Variants in SPAG16 observed in about 807,000 individuals in gnomAD.
The protein encoded by SPAG16 is sperm-associated antigen 16 protein.
Under a neutral mutation model 80.4 loss-of-function variants are expected in SPAG16, and 86 were observed. The observed-to-expected ratio is 1.07, with a 90% CI of 0.90 to 1.28. The LOEUF (loss-of-function observed/expected upper bound fraction) is 1.28, where lower values mean the gene tolerates loss of function less well. Among genes scored for constraint, SPAG16 ranks in the 50% most tolerant of loss-of-function variants. The pLI, the probability that SPAG16 is intolerant of heterozygous loss-of-function variation, is 0.00. For synonymous variants in SPAG16, 294 were observed against 265.9 expected, an observed-to-expected ratio of 1.11 and a Z score of -1.03; for missense variants, 870 against 765.3, an observed-to-expected ratio of 1.14 and a Z score of -1.61.
At chr2:214,133,118 A>G (rs796802999) in intron 14 of SPAG16, among the ~76,000 whole-genome samples, 5 of 44,132 alleles carry the variant, frequency 1.1e-4, no homozygotes, top group African/African-American at 3.3e-4. Flanking sequence ...AAAAAAATAA[A>G]TAAATAATAA....
intron 10 of SPAG16, among the ~76,000 whole-genome samples, chr2:213,642,187 T>G (rs1381710688): frequency 4.6e-5 from 7 of 152,184 alleles, no homozygotes; most frequent in Non-Finnish European, 4.4e-5. Flanking sequence ...TTCAGCTGTT[T>G]CATGGAGGTT....
chr2:214,407,650 A>G (rs1433463042), intron 15 of SPAG16, among the ~76,000 whole-genome samples: 5 of 152,146 alleles, frequency 3.3e-5, no homozygotes, highest in African/African-American at 2.4e-5. Flanking sequence ...CACTTTCTCT[A>G]TAAATGCTCC....
chr2:213,978,940 C>T (rs1056972209), intron 12 of SPAG16, among the ~76,000 whole-genome samples: 2 of 151,820 alleles, frequency 1.3e-5, no homozygotes, highest in African/African-American at 4.8e-5. Flanking sequence ...GCTAGGGGAG[C>T]TGGCTTTCCT....
chr2:213,801,149 T>C (rs1363257024), intron 10 of SPAG16, among the ~76,000 whole-genome samples: 2 of 152,174 alleles, frequency 1.3e-5, no homozygotes, highest in Non-Finnish European at 2.9e-5. Context: ...ACCTGGAAAA[T>C]AGTTATTGTC....
At chr2:213,963,482 G>A (rs889155722) in intron 12 of SPAG16, among the ~76,000 whole-genome samples, 4 of 152,062 alleles carry the variant, frequency 2.6e-5, no homozygotes, top group Non-Finnish European at 5.9e-5. Context: ...CTTGGAAAAT[G>A]ATCTGTTGTA....
intron 9 of SPAG16, among the ~76,000 whole-genome samples, chr2:213,379,625 TC>T (rs1044005435): frequency 3.0e-4 from 45 of 152,326 alleles, no homozygotes; most frequent in African/African-American, 1.1e-3. Flanking sequence ...AAGTGTCTAT[TC>T]CAGTAAGGAC....
intron 15 of SPAG16, among the ~76,000 whole-genome samples, chr2:214,224,888 G>T (rs11899471): frequency 0.03 from 4,612 of 152,206 alleles, 163 homozygotes; most frequent in African/African-American, 0.084. Flanking sequence ...AGTGAGGGTT[G>T]TCAATATGTG....
intron 10 of SPAG16, among the ~76,000 whole-genome samples, chr2:213,760,879 G>A (rs1168460550): frequency 6.6e-6 from 1 of 152,194 alleles, no homozygotes; most frequent in Non-Finnish European, 1.5e-5. Context: ...GCAAGAAACA[G>A]AGAAAGAGAC....
At chr2:213,763,316 A>T (rs1445862673) in intron 10 of SPAG16, among the ~76,000 whole-genome samples, 2 of 152,172 alleles carry the variant, frequency 1.3e-5, no homozygotes, top group Admixed American at 1.3e-4. Context: ...GATATTGAAG[A>T]GATATTTGTA....
intron 3 of SPAG16, among the ~76,000 whole-genome samples, chr2:213,304,412 G>A (rs139425280): frequency 4.6e-5 from 7 of 152,196 alleles, no homozygotes; most frequent in Middle Eastern, 3.4e-3. Context: ...TGTCTTGGAT[G>A]CCTGTGCTTG....
chr2:213,976,211 TA>T (rs2045387836), intron 12 of SPAG16, among the ~76,000 whole-genome samples: 1 of 150,274 alleles, frequency 6.7e-6, no homozygotes, highest in Non-Finnish European at 1.5e-5. Context: ...TACACATACA[TA>T]TGTACGCATA....
intron 14 of SPAG16, among the ~76,000 whole-genome samples, chr2:214,140,006 T>C (rs1343573298): frequency 2.0e-5 from 3 of 152,168 alleles, no homozygotes; most frequent in Non-Finnish European, 4.4e-5. Flanking sequence ...GCCAAACCAA[T>C]ATGTATCTCC....
In SPAG16 at chr2:213,381,180, G is replaced by A. The variant is rs569548317; in HGVS notation, c.942+6061G>A. 2.0e-5 allele frequency among the ~76,000 whole-genome samples: 3 copies of A among 152,250 alleles called. No homozygotes were observed. The South Asian group carries it at 6.2e-4, about 32-fold the overall frequency. On this transcript the variant is annotated intron_variant, in intron 9 of 15. Coordinates refer to ENST00000331683, the MANE Select transcript of SPAG16 (RefSeq NM_024532.5). ...ATGGTGTTTTGGGGTCTCTAGGAAA[G>A]GGCATTTATTCAGAGCCAATTTCTA...
At chr2:214,135,871 G>A (rs1247531959) in intron 14 of SPAG16, among the ~76,000 whole-genome samples, 3 of 152,102 alleles carry the variant, frequency 2.0e-5, no homozygotes, top group Non-Finnish European at 4.4e-5. Context: ...TGCTTCTATA[G>A]TCTGCCGACT....
At chr2:213,960,346 C>G (rs553199567) in intron 12 of SPAG16, among the ~76,000 whole-genome samples, 21 of 151,748 alleles carry the variant, frequency 1.4e-4, no homozygotes, top group African/African-American at 5.1e-4. Flanking sequence ...AAGTGCTTGT[C>G]TAGTAGATCT....
intron 15 of SPAG16, among the ~76,000 whole-genome samples, chr2:214,177,696 C>A (rs2057138818): frequency 6.7e-6 from 1 of 150,108 alleles, no homozygotes; most frequent in Non-Finnish European, 1.5e-5. Flanking sequence ...TGATGTGTTA[C>A]AGAATGGCTT....
intron 5 of SPAG16, among the ~76,000 whole-genome samples, chr2:213,323,202 A>G (rs2063697148): frequency 6.6e-6 from 1 of 152,202 alleles, no homozygotes; most frequent in African/African-American, 2.4e-5. Context: ...GCACTGTGGG[A>G]GGCCGAGGCG....
intron 9 of SPAG16, among the ~76,000 whole-genome samples, chr2:213,397,725 GT>G (rs1415371160): frequency 6.6e-6 from 1 of 152,066 alleles, no homozygotes; most frequent in Admixed American, 6.5e-5. Context: ...TGCCTCTATT[GT>G]TTGCTCCCTA....
At chr2:213,496,797 A>G (rs903611906) in intron 10 of SPAG16, among the ~76,000 whole-genome samples, 86 of 151,170 alleles carry the variant, frequency 5.7e-4, no homozygotes, top group Non-Finnish European at 9.6e-4. Context: ...TCAAGAGAGT[A>G]TGTTATATTT....
Sources: allele counts gnomAD v4.1 joint callset (sites outside exome capture counted in the v4.1 genomes callset), GRCh38; gene constraint gnomAD v4.1.1; transcripts MANE v1.5; gene names NCBI Gene and HGNC (gene_info 2026-07-23, HGNC 2026-07-21).